The following KIAA1671 variants were observed in gnomAD, a reference collection of about 807,000 sequenced individuals.
KIAA1671 encodes uncharacterized protein KIAA1671.
KIAA1671 carries 52 observed loss-of-function variants against 131.2 expected under a neutral mutation model. The ratio of observed to expected loss-of-function variants is 0.40; its 90% CI spans 0.32 to 0.50. KIAA1671 has a LOEUF of 0.50. Ranked by LOEUF, KIAA1671 falls within the 20% of genes least tolerant of loss-of-function variation. The pLI, the probability that KIAA1671 is intolerant of heterozygous loss-of-function variation, is 0.73. For missense variants in KIAA1671, 2,360 were observed against 2,364.2 expected (o/e 1.00, Z 0.04); for synonymous variants, 1,003 against 961.6 (o/e 1.04, Z -0.80).
chr22:25,100,803 G>T (rs1036666611), intron 6 of KIAA1671, among the ~76,000 whole-genome samples: 2 of 152,168 alleles, frequency 1.3e-5, no homozygotes, highest in Non-Finnish European at 2.9e-5. Context: ...TATAGTACCT[G>T]GTTCATAGTA....
intron 1 of KIAA1671, among the ~76,000 whole-genome samples, chr22:24,979,479 A>G (rs1923113492): frequency 6.6e-6 from 1 of 151,328 alleles, no homozygotes; most frequent in African/African-American, 2.4e-5. Flanking sequence ...CCTCCCAAGT[A>G]GCTGGGACTA....
chr22:24,956,446 C>T (rs185316050), intron 1 of KIAA1671, among the ~76,000 whole-genome samples: 1 of 152,232 alleles, frequency 6.6e-6, no homozygotes, highest in Non-Finnish European at 1.5e-5. Flanking sequence ...AACTCCCTTC[C>T]AACTTGCAAC....
intron 6 of KIAA1671, among the ~76,000 whole-genome samples, chr22:25,122,186 G>A (rs1197971289): frequency 6.6e-6 from 1 of 152,162 alleles, no homozygotes; most frequent in African/African-American, 2.4e-5. Flanking sequence ...CTCCAGAGGC[G>A]GGGCTCGGGC....
At chr22:25,079,718 G>T (rs1028699757) in intron 6 of KIAA1671, among the ~76,000 whole-genome samples, 6 of 152,164 alleles carry the variant, frequency 3.9e-5, no homozygotes, top group Non-Finnish European at 7.4e-5. Context: ...GAGAGAGTGG[G>T]CAGTGAGAGC....
chr22:25,045,536 G>T (rs1927174974), intron 5 of KIAA1671, among the ~76,000 whole-genome samples: 1 of 152,214 alleles, frequency 6.6e-6, no homozygotes, highest in Non-Finnish European at 1.5e-5. Flanking sequence ...TTAGATATAG[G>T]TAAATACATA....
chr22:25,132,027 G>GAGATGTTT (rs1327939641), intron 6 of KIAA1671, among the ~76,000 whole-genome samples: 1 of 152,224 alleles, frequency 6.6e-6, no homozygotes, highest in African/African-American at 2.4e-5. Context: ...AATTGTCTGG[G>GAGATGTTT]AGATGTTTAT....
chr22:24,958,960 G>A (rs1921866857), intron 1 of KIAA1671, among the ~76,000 whole-genome samples: 1 of 122,796 alleles, frequency 8.1e-6, no homozygotes, highest in African/African-American at 3.1e-5. Flanking sequence ...CAGCCTGAAC[G>A]ATAGAACAAA....
intron 5 of KIAA1671, among the ~76,000 whole-genome samples, chr22:25,047,281 G>A (rs909304418): frequency 2.5e-3 from 383 of 150,438 alleles, no homozygotes; most frequent in African/African-American, 8.8e-3. Flanking sequence ...CTCCCGAGTT[G>A]CAAGGATTAC....
rs756153747 is a variant in KIAA1671, at chr22:25,185,060, C to T, written c.5283C>T (p.Pro1761=). The part of the protein sequence containing the change: ...WAPQPKSPKS[P]FQPGVLGSRV... Reference sequence around the variant, plus strand: ...CCCAACCCAAGAGCCCCAAGTCCCCCTTCCAGCCTGGGGTGCTGGGCAGTC... The same window carrying T: ...CCCAACCCAAGAGCCCCAAGTCCCCTTTCCAGCCTGGGGTGCTGGGCAGTC... Residue 1761 remains proline (P), a synonymous_variant, in exon 11 of 13, where the codon CCC becomes CCT. Transcript: ENST00000358431. 3.0e-4 allele frequency: 459 copies of T among 1,551,562 alleles called. 1 individual carries two copies. Among genetic ancestry groups the T allele is most frequent in the Middle Eastern group, 5.0e-4 (3 of 5,996 alleles).
At chr22:24,984,275 G>A (rs555856077) in intron 1 of KIAA1671, among the ~76,000 whole-genome samples, 1 of 152,294 alleles carries the variant, frequency 6.6e-6, no homozygotes, top group Admixed American at 6.5e-5. Context: ...GATAGGTAGG[G>A]CAGTACTTTT....
intron 1 of KIAA1671, among the ~76,000 whole-genome samples, chr22:25,008,344 T>C (rs1011401061): frequency 6.6e-5 from 10 of 152,106 alleles, no homozygotes; most frequent in Admixed American, 2.6e-4. Flanking sequence ...CAGCTCACTA[T>C]GTGGTTGACC....
At chr22:24,956,928 A>C (rs976796626) in intron 1 of KIAA1671, among the ~76,000 whole-genome samples, 1 of 151,678 alleles carries the variant, frequency 6.6e-6, no homozygotes, top group Admixed American at 6.6e-5. Context: ...GTCCAGGGCA[A>C]ACCCTGGCCC....
intron 5 of KIAA1671, among the ~76,000 whole-genome samples, chr22:25,043,484 C>T (rs1349015729): frequency 6.6e-6 from 1 of 152,192 alleles, no homozygotes; most frequent in African/African-American, 2.4e-5. Flanking sequence ...GCCTTAATTA[C>T]CCAACTGGGC....
intron 6 of KIAA1671, chr22:25,054,108 C>T (rs1927706216): frequency 6.8e-6 from 1 of 147,742 alleles, no homozygotes; most frequent in South Asian, 2.3e-4. Flanking sequence ...ACTCAGGAAG[C>T]TGAGGGGCAG....
chr22:24,956,662 C>T (rs1387143058), intron 1 of KIAA1671, among the ~76,000 whole-genome samples: 12 of 151,612 alleles, frequency 7.9e-5, no homozygotes, highest in East Asian at 1.9e-4. Context: ...ATCAGGAGAT[C>T]GAGACCATCC....
intron 9 of KIAA1671, among the ~76,000 whole-genome samples, chr22:25,181,071 T>C (rs5760894): frequency 0.034 from 5,219 of 152,158 alleles, 159 homozygotes; most frequent in East Asian, 0.16. Context: ...GCCTCTTTCA[T>C]CCCCGCCCCC....
At chr22:25,113,589 G>A (rs893899225) in intron 6 of KIAA1671, among the ~76,000 whole-genome samples, 1 of 152,204 alleles carries the variant, frequency 6.6e-6, no homozygotes, top group Non-Finnish European at 1.5e-5. Context: ...CAGGGGCTCA[G>A]TATCCCCTCT....
At position 25,181,765 on chromosome 22, in the gene KIAA1671, C is replaced by T; in HGVS notation, c.5141C>T (p.Pro1714Leu). 3 of 1,551,600 alleles carry T rather than the reference C, an allele frequency of 1.9e-6. No individual in the cohort carries two copies. The highest frequency in any genetic ancestry group is 1.2e-5 in the South Asian group (1 of 84,048). ...EETASKAERT[P>L]VSHPQRMPAF... The stretch of plus-strand genomic sequence containing the variant: ...ACGGCATCCAAAGCTGAGAGGACCC[C>T]TGTCAGCCATCCTCAGAGGATGCCT... The change falls in exon 10 of 13, where the codon CCT becomes CTT. Residue 1714 changes from proline to leucine, a missense_variant. Transcript: ENST00000358431.
chr22:25,104,006 T>C (rs1464335692), intron 6 of KIAA1671, among the ~76,000 whole-genome samples: 1 of 152,164 alleles, frequency 6.6e-6, no homozygotes, highest in African/African-American at 2.4e-5. Context: ...TGAGATGGAA[T>C]CTTGCTCTGT....
Sources: allele counts gnomAD v4.1 joint callset (sites outside exome capture counted in the v4.1 genomes callset), GRCh38; gene constraint gnomAD v4.1.1; transcripts MANE v1.5; gene names NCBI Gene and HGNC (gene_info 2026-07-23, HGNC 2026-07-21).